The following SEMA5B variants were observed in gnomAD, a reference collection of about 807,000 sequenced individuals.
The protein encoded by SEMA5B is semaphorin 5B.
In SEMA5B, 66 loss-of-function variants were observed where a neutral mutation model predicts 135.0. The observed-to-expected ratio is 0.49, with a 90% CI of 0.40 to 0.60. The LOEUF (loss-of-function observed/expected upper bound fraction) is 0.60, where lower values mean the gene tolerates loss of function less well. SEMA5B is among the 20% of genes least tolerant of loss of function. The pLI is 0.00. For synonymous variants in SEMA5B, 690 were observed against 639.5 expected, an observed-to-expected ratio of 1.08 and a Z score of -1.19; for missense variants, 1,501 against 1,566.3, an observed-to-expected ratio of 0.96 and a Z score of 0.70.
chr3:122,945,816 G>A (rs1278745091), intron 3 of SEMA5B, among the ~76,000 whole-genome samples: 2 of 141,084 alleles, frequency 1.4e-5, no homozygotes, highest in African/African-American at 5.1e-5. Flanking sequence ...GTACAAGATG[G>A]GATAAAAATG....
Position 123,017,430 on chromosome 3 carries a change from A to C in SEMA5B, c.-39+10034T>G, listed in dbSNP as rs1576411947. 2.0e-5 allele frequency among the ~76,000 whole-genome samples: 3 copies of C among 152,302 alleles called. No individual in the cohort carries two copies. In the South Asian group the frequency reaches 6.2e-4, roughly 32 times the overall value. On this transcript the variant is annotated intron_variant, in intron 1 of 22. Coordinates refer to ENST00000357599, the MANE Select transcript of SEMA5B (RefSeq NM_001031702.4). ...AGCAGCCACGCTGTGTTTGAAGCCAAGTCTGTCTCATTTTCAAACCCATAC... is the reference window on the plus strand; with the variant it reads ...AGCAGCCACGCTGTGTTTGAAGCCACGTCTGTCTCATTTTCAAACCCATAC...
At position 122,926,553 on chromosome 3, in the gene SEMA5B, G is replaced by A. The variant is rs772601672; in HGVS notation, c.975C>T (p.Asp325=). 101 of 1,614,130 alleles carry A rather than the reference G, an allele frequency of 6.3e-5. No homozygotes were observed. The highest frequency in any genetic ancestry group is 3.3e-4 in the Middle Eastern group (2 of 6,084). ...YSRVARVCKN[D]VGGRFLLEDT... ...CCTCCAGCAGGAATCGGCCCCCCAC[G>A]TCATTCTTGCACACGCGGGCCACGC... Residue 325 remains aspartate (D), a synonymous_variant, in exon 9 of 23, where the codon GAC becomes GAT. Transcript: ENST00000357599.
At chr3:122,998,471 A>G (rs1377418290) in intron 1 of SEMA5B, among the ~76,000 whole-genome samples, 1 of 152,128 alleles carries the variant, frequency 6.6e-6, no homozygotes, top group Non-Finnish European at 1.5e-5. Context: ...AGGCTTATCT[A>G]TTTCACCAGA....
At chr3:122,982,529 C>T (rs1164204979) in intron 1 of SEMA5B, among the ~76,000 whole-genome samples, 2 of 152,170 alleles carry the variant, frequency 1.3e-5, no homozygotes, top group African/African-American at 4.8e-5. Context: ...CCGCCCATTA[C>T]GGGGATAATT....
intron 1 of SEMA5B, among the ~76,000 whole-genome samples, chr3:123,005,849 T>A (rs965577701): frequency 6.6e-6 from 1 of 152,158 alleles, no homozygotes; most frequent in Admixed American, 6.5e-5. Flanking sequence ...TTTGTCTCCA[T>A]CCCACCAATT....
At chr3:122,932,270 T>TTTTTTTG (rs1939015432) in intron 5 of SEMA5B, among the ~76,000 whole-genome samples, 2 of 132,854 alleles carry the variant, frequency 1.5e-5, no homozygotes, top group Admixed American at 7.8e-5. Flanking sequence ...TTTTTTTTTT[T>TTTTTTTG]GGAGAGAAGG....
intron 1 of SEMA5B, among the ~76,000 whole-genome samples, chr3:122,999,750 G>C (rs1447608361): frequency 6.6e-6 from 1 of 152,190 alleles, no homozygotes; most frequent in Non-Finnish European, 1.5e-5. Flanking sequence ...GTTCCACGCT[G>C]ATACTTGGTC....
intron 1 of SEMA5B, among the ~76,000 whole-genome samples, chr3:123,015,074 C>T (rs1942526319): frequency 6.6e-6 from 1 of 152,090 alleles, no homozygotes. Context: ...CCAAAGAATG[C>T]CAGCAAACCA....
chr3:122,961,086 T>C, intron 2 of SEMA5B, 54 bp downstream of exon 2: 1 of 1,518,752 alleles, frequency 6.6e-7, no homozygotes, highest in East Asian at 2.3e-5. Flanking sequence ...CTCCCTGCTC[T>C]CCCCTCAGTC....
chr3:122,944,843 T>C (rs928246417), intron 3 of SEMA5B, among the ~76,000 whole-genome samples: 1 of 151,908 alleles, frequency 6.6e-6, no homozygotes, highest in African/African-American at 2.4e-5. Context: ...CATGGATGGG[T>C]GGGAATTGGC....
chr3:122,974,084 G>C (rs926442199), intron 1 of SEMA5B, among the ~76,000 whole-genome samples: 6 of 152,070 alleles, frequency 3.9e-5, no homozygotes, highest in African/African-American at 9.7e-5. Flanking sequence ...AGGGGAGAGA[G>C]AGCCCAGGCA....
chr3:123,014,037 G>A (rs1576410055), intron 1 of SEMA5B, among the ~76,000 whole-genome samples: 1 of 152,260 alleles, frequency 6.6e-6, no homozygotes, highest in Non-Finnish European at 1.5e-5. Flanking sequence ...TGCTCTGAAT[G>A]TGTTCAAGCC....
Position 122,941,849 on chromosome 3 carries a change from T to C in SEMA5B, c.428+1587A>G, listed in dbSNP as rs535582048. Among the ~76,000 whole-genome samples the C allele has an allele frequency of 1.7e-4, 26 of 152,358 alleles. No individual in the cohort carries two copies. In the South Asian group the frequency reaches 4.4e-3, roughly 25 times the overall value. On this transcript the variant is annotated intron_variant, in intron 4 of 22. Transcript: ENST00000357599. ...GATGTTAGCCTTGGGGGAAACTGGG[T>C]GAAGGGTATATGGGATCTCTATTAT...
chr3:123,024,877 C>G (rs1288846623), intron 1 of SEMA5B, among the ~76,000 whole-genome samples: 1 of 152,192 alleles, frequency 6.6e-6, no homozygotes, highest in Non-Finnish European at 1.5e-5. Flanking sequence ...GCTTTGAACT[C>G]CCAATTGTCC....
At chr3:123,003,790 C>T (rs1299045073) in intron 1 of SEMA5B, among the ~76,000 whole-genome samples, 7 of 152,142 alleles carry the variant, frequency 4.6e-5, no homozygotes, top group Admixed American at 2.6e-4. Context: ...GCTGAGATTG[C>T]GCCACTGCAC....
chr3:122,971,714 A>G (rs930092196), intron 1 of SEMA5B, among the ~76,000 whole-genome samples: 1 of 152,368 alleles, frequency 6.6e-6, no homozygotes, highest in South Asian at 2.1e-4. Context: ...GCCTCTGCCC[A>G]AGGAGCCTTC....
intron 1 of SEMA5B, among the ~76,000 whole-genome samples, chr3:123,026,833 G>A (rs1942812019): frequency 6.6e-6 from 1 of 152,238 alleles, no homozygotes; most frequent in South Asian, 2.1e-4. Flanking sequence ...TCCCAGCCGG[G>A]AGTGCGGGGC....
chr3:122,971,069 C>A (rs1244386687), intron 1 of SEMA5B, among the ~76,000 whole-genome samples: 2 of 152,324 alleles, frequency 1.3e-5, no homozygotes, highest in African/African-American at 4.8e-5. Flanking sequence ...TACCCAGTGG[C>A]CTATAATTCC....
chr3:122,913,944 G>A lies in SEMA5B; in HGVS notation c.2046C>T (p.Ile682=), dbSNP rs753675618. The A allele has an allele frequency of 6.2e-7, 1 of 1,612,284 alleles. No individual in the cohort carries two copies. The highest frequency in any genetic ancestry group is 8.5e-7 in the Non-Finnish European group (1 of 1,179,878). ...AACTTCGCTGGCGGACCTGGAAGCC[G>A]ATGCCACAGGACGTGCTGCACAGCG... ...SWALCSTSCG[I]GFQVRQRSCS... Residue 682 remains isoleucine (I), a synonymous_variant, in exon 15 of 23, where the codon ATC becomes ATT. Coordinates refer to ENST00000357599, the MANE Select transcript of SEMA5B (RefSeq NM_001031702.4).
Sources: allele counts gnomAD v4.1 joint callset (sites outside exome capture counted in the v4.1 genomes callset), GRCh38; gene constraint gnomAD v4.1.1; transcripts MANE v1.5; gene names NCBI Gene and HGNC (gene_info 2026-07-23, HGNC 2026-07-21).